Variants in PCDHA10 observed in about 807,000 individuals in gnomAD.
PCDHA10 encodes the protein protocadherin alpha-10.
In PCDHA10, 45 loss-of-function variants were observed where a neutral mutation model predicts 61.2. The observed-to-expected ratio is 0.74, with a 90% CI of 0.58 to 0.94. The LOEUF is 0.94. Among genes scored for constraint, PCDHA10 ranks in the 40% least tolerant of loss-of-function variants. The pLI, the probability that PCDHA10 is intolerant of heterozygous loss-of-function variation, is 0.00. For synonymous variants in PCDHA10, 602 were observed against 548.8 expected (o/e 1.10, Z -1.35); for missense variants, 1,278 against 1,236.2 (o/e 1.03, Z -0.51).
intron 1 of PCDHA10, among the ~76,000 whole-genome samples, chr5:140,923,931 A>T (rs1216808903): frequency 2.6e-5 from 4 of 152,118 alleles, no homozygotes; most frequent in Non-Finnish European, 4.4e-5. Flanking sequence ...CTCTGTATGC[A>T]TTTTTCCTTT....
chr5:140,968,363 G>T (rs1448494733), intron 1 of PCDHA10: 1 of 1,614,090 alleles, frequency 6.2e-7, no homozygotes, highest in East Asian at 2.2e-5. Context: ...CAGCCTTTAT[G>T]CTGTCAACTC....
intron 1 of PCDHA10, chr5:140,882,691 C>G (rs201544181): frequency 1.2e-6 from 2 of 1,614,216 alleles, no homozygotes; most frequent in Admixed American, 1.7e-5. Context: ...AACGAATAAT[C>G]ATTGCAGAAT....
intron 1 of PCDHA10, chr5:140,861,476 C>T: frequency 2.0e-6 from 1 of 493,226 alleles, no homozygotes; most frequent in South Asian, 1.5e-5. Flanking sequence ...TGCAGAATGG[C>T]ATTTTTGTGA....
At chr5:140,923,660 G>T (rs1442227445) in intron 1 of PCDHA10, among the ~76,000 whole-genome samples, 1 of 152,148 alleles carries the variant, frequency 6.6e-6, no homozygotes, top group South Asian at 2.1e-4. Context: ...TTATCTTTGG[G>T]ATATCGTTCT....
At chr5:140,902,324 C>A (rs1554190388) in intron 1 of PCDHA10, among the ~76,000 whole-genome samples, 1 of 151,472 alleles carries the variant, frequency 6.6e-6, no homozygotes, top group Non-Finnish European at 1.5e-5. Context: ...AGGTGTAACT[C>A]ACTTCGCCTG....
intron 1 of PCDHA10, among the ~76,000 whole-genome samples, chr5:140,891,762 G>C (rs554912268): frequency 1.5e-3 from 234 of 152,268 alleles, no homozygotes; most frequent in African/African-American, 4.9e-3. Context: ...GTTGGGAGGT[G>C]GGGAATTTCA....
At chr5:140,966,455 C>G (rs376758355) in intron 1 of PCDHA10, 20 of 426,928 alleles carry the variant, frequency 4.7e-5, no homozygotes, top group East Asian at 2.8e-4. Flanking sequence ...CCCCCTCCCC[C>G]TCTGTCTTCC....
chr5:140,862,824 G>A, intron 1 of PCDHA10: 1 of 571,890 alleles, frequency 1.7e-6, no homozygotes, highest in Non-Finnish European at 3.4e-6. Context: ...AGGTGAGAGC[G>A]CGCGACGCGG....
At chr5:140,968,529 C>T in intron 1 of PCDHA10, 1 of 1,614,206 alleles carries the variant, frequency 6.2e-7, no homozygotes, top group Non-Finnish European at 8.5e-7. Flanking sequence ...ACCAACTCGT[C>T]AGCAGCCTTC....
Position 140,901,601 on chromosome 5 carries a change from A to T in PCDHA10, c.2388+43165A>T, listed in dbSNP as rs1448240708. Among the ~76,000 whole-genome samples, 3 of 152,078 alleles carry T rather than the reference A, an allele frequency of 2.0e-5. 1 individual carries two copies. The highest frequency in any genetic ancestry group is 1.3e-4 in the Admixed American group (2 of 15,264). On this transcript the variant is annotated intron_variant, in intron 1 of 3. Transcript: ENST00000307360. Reference sequence around the variant, plus strand: ...AGTGCCATGATGTTTTGGTTACTATATCTCTATGGTATAATTTGAAGTCAG... The same window carrying T: ...AGTGCCATGATGTTTTGGTTACTATTTCTCTATGGTATAATTTGAAGTCAG...
chr5:140,876,051 A>G, intron 1 of PCDHA10: 2 of 1,613,956 alleles, frequency 1.2e-6, no homozygotes, highest in African/African-American at 2.7e-5. Flanking sequence ...TATTGCCTGA[A>G]TTAGTTCTTC....
intron 1 of PCDHA10, chr5:140,877,883 A>T: frequency 1.4e-6 from 2 of 1,460,312 alleles, no homozygotes; most frequent in East Asian, 2.5e-5. Context: ...TCCTTGAAGA[A>T]CTTCCGTTTA....
intron 1 of PCDHA10, 25 bp downstream of exon 1, chr5:140,858,461 C>G: frequency 1.3e-6 from 2 of 1,524,640 alleles, no homozygotes; most frequent in Non-Finnish European, 1.8e-6. Flanking sequence ...TTTCATTTTC[C>G]TTTTGTGCTT....
At chr5:140,913,243 G>T (rs1386908951) in intron 1 of PCDHA10, among the ~76,000 whole-genome samples, 1 of 152,112 alleles carries the variant, frequency 6.6e-6, no homozygotes, top group Non-Finnish European at 1.5e-5. Flanking sequence ...GAGACTTTTT[G>T]TTACAACTTT....
rs781970996 is a variant in PCDHA10 at position 140,869,968 on chromosome 5, A to AT, written c.2388+11532_2388+11533insT. 5 of 1,613,220 alleles carry AT rather than the reference A, an allele frequency of 3.1e-6. No homozygotes were observed. The South Asian group carries it at 5.5e-5, about 18-fold the overall frequency. On this transcript the variant is annotated intron_variant, in intron 1 of 3. Coordinates refer to ENST00000307360, the MANE Select transcript of PCDHA10 (RefSeq NM_018901.4). ...CTTAATGTCAATTAAGCCCAATGGA[A>AT]GACACTTATTTACACTAGATCAAAA...
At chr5:140,881,867 G>A (rs2058853547) in intron 1 of PCDHA10, among the ~76,000 whole-genome samples, 1 of 152,166 alleles carries the variant, frequency 6.6e-6, no homozygotes, top group Non-Finnish European at 1.5e-5. Flanking sequence ...TAAATTTGTG[G>A]CAAAATGAAA....
intron 1 of PCDHA10, chr5:140,859,996 T>A (rs181986889): frequency 4.7e-4 from 71 of 152,116 alleles, no homozygotes; most frequent in Non-Finnish European, 8.7e-4. Context: ...TCTCCATCAA[T>A]ACTAACTTAA....
chr5:140,869,392 G>C (rs372231398), intron 1 of PCDHA10: 24 of 1,614,164 alleles, frequency 1.5e-5, no homozygotes, highest in African/African-American at 1.5e-4. Flanking sequence ...GGAGCTGTGC[G>C]GGCAGAGCGC....
At chr5:141,000,921 C>T (rs562554000) in intron 3 of PCDHA10, among the ~76,000 whole-genome samples, 1 of 152,006 alleles carries the variant, frequency 6.6e-6, no homozygotes, top group Non-Finnish European at 1.5e-5. Flanking sequence ...AAAAAAAAAT[C>T]CTGTGTGATT....
Sources: allele counts gnomAD v4.1 joint callset (sites outside exome capture counted in the v4.1 genomes callset), GRCh38; gene constraint gnomAD v4.1.1; transcripts MANE v1.5; gene names NCBI Gene and HGNC (gene_info 2026-07-23, HGNC 2026-07-21).